The following KCNC2 variants were observed in gnomAD, a reference collection of about 807,000 sequenced individuals.
KCNC2 encodes the protein potassium voltage-gated channel subfamily C member 2, also known as voltage-gated potassium channel KCNC2.
Under a neutral mutation model 44.5 loss-of-function variants are expected in KCNC2, and 21 were observed. That is an observed-to-expected ratio of 0.47 (90% confidence interval 0.33 to 0.68). The LOEUF (loss-of-function observed/expected upper bound fraction) is 0.68. KCNC2 is among the 30% of genes least tolerant of loss of function. The pLI is 0.01. For missense variants in KCNC2, 589 were observed against 826.2 expected (o/e 0.71, Z 3.52); for synonymous variants, 391 against 339.1 (o/e 1.15, Z -1.68).
intron 2 of KCNC2, among the ~76,000 whole-genome samples, chr12:75,176,131 G>A (rs1207120235): frequency 6.6e-6 from 1 of 152,062 alleles, no homozygotes; most frequent in African/African-American, 2.4e-5. Context: ...AGATCAGGAA[G>A]TGTAACTTAA....
chr12:75,196,744 A>G (rs1436250557), intron 2 of KCNC2, among the ~76,000 whole-genome samples: 2 of 152,142 alleles, frequency 1.3e-5, no homozygotes, highest in Non-Finnish European at 2.9e-5. Flanking sequence ...AAAATCAACT[A>G]TCAGAAGTCA....
chr12:75,050,892 A>G lies in KCNC2; in HGVS notation c.1113T>C (p.Leu371=). 2 of 1,613,698 alleles carry G rather than the reference A, an allele frequency of 1.2e-6. No individual in the cohort carries two copies. The highest frequency in any genetic ancestry group is 8.5e-7 in the Non-Finnish European group (1 of 1,179,886). The change falls in exon 3 of 5, where the codon CTT becomes CTC. Residue 371 remains leucine, a synonymous_variant. Transcript: ENST00000549446. ...TAGTACTAGCTCGAAGAGTATGTCCAAGCACCCTCAGACCTACAAAATGGC... is the reference window on the plus strand; with the variant it reads ...TAGTACTAGCTCGAAGAGTATGTCCGAGCACCCTCAGACCTACAAAATGGC... ...LTRHFVGLRV[L]GHTLRASTNE...
At chr12:75,100,989 T>C (rs1477756107) in intron 2 of KCNC2, among the ~76,000 whole-genome samples, 1 of 152,052 alleles carries the variant, frequency 6.6e-6, no homozygotes, top group East Asian at 1.9e-4. Flanking sequence ...GTGAGACATG[T>C]CCTCATATCT....
chr12:75,128,318 T>G (rs111717847), intron 2 of KCNC2, among the ~76,000 whole-genome samples: 2,219 of 152,288 alleles, frequency 0.015, 46 homozygotes, highest in African/African-American at 0.05. Flanking sequence ...CATTAGCATA[T>G]GTGGACCTCC....
chr12:75,102,962 C>T (rs186477657), intron 2 of KCNC2, among the ~76,000 whole-genome samples: 1 of 151,972 alleles, frequency 6.6e-6, no homozygotes, highest in Non-Finnish European at 1.5e-5. Context: ...GTAACTAATA[C>T]TTTCCTCAGA....
chr12:75,182,520 C>CAAAA (rs71438888), intron 2 of KCNC2, among the ~76,000 whole-genome samples: 2 of 81,426 alleles, frequency 2.5e-5, no homozygotes, highest in African/African-American at 8.1e-5. Context: ...GATTCCGTCT[C>CAAAA]AAAAAAAAAA....
chr12:75,196,052 C>A (rs1477512533), intron 2 of KCNC2, among the ~76,000 whole-genome samples: 1 of 152,046 alleles, frequency 6.6e-6, no homozygotes, highest in Non-Finnish European at 1.5e-5. Context: ...TCCTGTGGTA[C>A]CAACAAAGAC....
At chr12:75,179,476 A>T (rs1022418379) in intron 2 of KCNC2, among the ~76,000 whole-genome samples, 10 of 151,902 alleles carry the variant, frequency 6.6e-5, no homozygotes, top group African/African-American at 2.2e-4. Flanking sequence ...AATTCTTATT[A>T]TATGAGAAAA....
At chr12:75,069,212 G>A (rs1026108043) in intron 2 of KCNC2, among the ~76,000 whole-genome samples, 3 of 126,210 alleles carry the variant, frequency 2.4e-5, no homozygotes, top group African/African-American at 8.7e-5. Context: ...TCGGCTCACC[G>A]CAACCTCCAC....
Position 75,050,879 on chromosome 12 carries a change from G to T in KCNC2, c.1126C>A (p.Arg376=), listed in dbSNP as rs200951837. The change falls in exon 3 of 5, where the codon CGA becomes AGA. Residue 376 remains arginine, a synonymous_variant. Transcript: ENST00000549446. ...VGLRVLGHTL[R]ASTNEFLLLI... ...AGCAAAAATTCATTAGTACTAGCTC[G>T]AAGAGTATGTCCAAGCACCCTCAGA... 3.1e-6 allele frequency: 5 copies of T among 1,613,372 alleles called. No homozygotes were observed. The highest frequency in any genetic ancestry group is 3.4e-6 in the Non-Finnish European group (4 of 1,179,816).
At chr12:75,129,202 A>G (rs927514552) in intron 2 of KCNC2, among the ~76,000 whole-genome samples, 12 of 152,114 alleles carry the variant, frequency 7.9e-5, no homozygotes, top group Non-Finnish European at 2.9e-5. Context: ...AGCGCAAACA[A>G]ACTAACCACC....
intron 3 of KCNC2, 39 bp from the exon 4 acceptor site, chr12:75,048,356 A>G (rs369667682): frequency 1.9e-6 from 3 of 1,554,152 alleles, no homozygotes; most frequent in Non-Finnish European, 2.6e-6. Flanking sequence ...ACAGTGATGA[A>G]TGAGGAAATG....
chr12:75,098,988 A>G (rs1366734066), intron 2 of KCNC2, among the ~76,000 whole-genome samples: 1 of 152,064 alleles, frequency 6.6e-6, no homozygotes, highest in African/African-American at 2.4e-5. Context: ...GACCTTGCCC[A>G]AGGACTCTTT....
intron 2 of KCNC2, among the ~76,000 whole-genome samples, chr12:75,182,064 A>G (rs1722796306): frequency 6.6e-6 from 1 of 150,756 alleles, no homozygotes; most frequent in African/African-American, 2.4e-5. Flanking sequence ...AGAGAGGGAA[A>G]GGTGCATGTC....
At chr12:75,077,184 C>T (rs1295527278) in intron 2 of KCNC2, among the ~76,000 whole-genome samples, 1 of 152,056 alleles carries the variant, frequency 6.6e-6, no homozygotes, top group African/African-American at 2.4e-5. Context: ...TAAGTTTAGT[C>T]CTCATGTACA....
At chr12:75,043,998 A>G (rs1054675814) in intron 4 of KCNC2, among the ~76,000 whole-genome samples, 2 of 151,956 alleles carry the variant, frequency 1.3e-5, no homozygotes, top group Non-Finnish European at 2.9e-5. Context: ...ATTATATCAC[A>G]CCTTGATCTT....
intron 2 of KCNC2, among the ~76,000 whole-genome samples, chr12:75,172,327 G>T (rs1006810329): frequency 2.0e-5 from 3 of 151,940 alleles, no homozygotes; most frequent in Admixed American, 2.0e-4. Context: ...CATGTTGGAG[G>T]CAGGTGTTGG....
In KCNC2 at chr12:75,048,426, C is replaced by A. The variant is rs763219827; in HGVS notation, c.1616-109G>T. The A allele has an allele frequency of 8.1e-4, 603 of 747,980 alleles. 1 individual carries two copies. Among genetic ancestry groups the A allele is most frequent in the Non-Finnish European group, 9.6e-4 (482 of 500,368 alleles). 46.3% of individuals were successfully genotyped at this position (747,980 alleles called of 1,614,324 possible). On this transcript the variant is annotated intron_variant, in intron 3 of 4. Transcript: ENST00000549446. ...GTCCAGTCACTCGATATACAACACA[C>A]AAGAATCACATCACAATAAGAAAAA...
chr12:75,143,893 A>ATT (rs1329749273), intron 2 of KCNC2, among the ~76,000 whole-genome samples: 8 of 152,200 alleles, frequency 5.3e-5, no homozygotes, highest in Non-Finnish European at 1.0e-4. Flanking sequence ...TGTAAAACTA[A>ATT]TTTAAGTGTC....
Sources: gnomAD v4.1 joint callset for allele counts (sites outside exome capture counted in the v4.1 genomes callset) on GRCh38, gnomAD v4.1.1 for gene constraint, MANE v1.5 for transcripts, NCBI Gene and HGNC (gene_info 2026-07-23, HGNC 2026-07-21) for gene names.